The following FN3KRP variants were observed in gnomAD, a reference collection of about 807,000 sequenced individuals.
FN3KRP encodes ketosamine-3-kinase.
Under a neutral mutation model 29.8 loss-of-function variants are expected in FN3KRP, and 33 were observed. The observed-to-expected ratio is 1.11, with a 90% CI of 0.84 to 1.48. The LOEUF (loss-of-function observed/expected upper bound fraction) is 1.48. FN3KRP is among the 40% of genes most tolerant of loss of function. The pLI, the probability that FN3KRP is intolerant of heterozygous loss-of-function variation, is 0.00. For synonymous variants in FN3KRP, 157 were observed against 155.2 expected (o/e 1.01, Z -0.09); for missense variants, 430 against 402.6 (o/e 1.07, Z -0.58).
In FN3KRP at chr17:82,727,243, C is replaced by A; in HGVS notation, c.*72C>A. 3 of 1,360,194 alleles carry A rather than the reference C, an allele frequency of 2.2e-6. No individual in the cohort carries two copies. The highest frequency in any genetic ancestry group is 3.1e-6 in the Non-Finnish European group (3 of 979,404). 84.3% of individuals were successfully genotyped at this position (1,360,194 alleles called of 1,614,324 possible). A position where few individuals can be genotyped will look rare whatever the true frequency, so the allele number is the denominator to read the frequency against. On this transcript the variant is annotated 3_prime_UTR_variant, in exon 6 of 6. Transcript: ENST00000269373. ...TCTTCTGGGCAAATTCTTGTTTCTTCACATGCTGGACTAGCTTAAGACCAA... is the reference window on the plus strand; with the variant it reads ...TCTTCTGGGCAAATTCTTGTTTCTTAACATGCTGGACTAGCTTAAGACCAA...
chr17:82,720,362 G>A lies in FN3KRP; in HGVS notation c.384G>A (p.Val128=). 6.2e-7 allele frequency: 1 copy of A among 1,612,838 alleles called. No homozygotes were observed. The highest frequency in any genetic ancestry group is 8.5e-7 in the Non-Finnish European group (1 of 1,179,720). The change falls in exon 3 of 6, where the codon GTG becomes GTA. Residue 128 remains valine (V), a splice_region_variant and synonymous_variant. Transcript: ENST00000269373. ...GEMRLKEAGT[V]GRGGGQEERP... ...TGCGCCTGAAGGAGGCGGGCACAGTGGGTATGGCACTGCGCGGGCCACGGG... is the reference window on the plus strand; with the variant it reads ...TGCGCCTGAAGGAGGCGGGCACAGTAGGTATGGCACTGCGCGGGCCACGGG...
At chr17:82,722,682 C>T in intron 3 of FN3KRP, 122 bp from the exon 4 acceptor site, 1 of 845,884 alleles carries the variant, frequency 1.2e-6, no homozygotes. Flanking sequence ...CCCTGTTTGT[C>T]TCTGGCAGGG....
At chr17:82,719,993 G>A (rs186293162) in intron 2 of FN3KRP, among the ~76,000 whole-genome samples, 3 of 151,864 alleles carry the variant, frequency 2.0e-5, no homozygotes, top group African/African-American at 4.8e-5. Context: ...GTGAAACCCT[G>A]CCTCTACTAA....
intron 4 of FN3KRP, among the ~76,000 whole-genome samples, chr17:82,724,615 A>G (rs9674528): frequency 5.3e-5 from 8 of 152,002 alleles, no homozygotes. Context: ...AAAAAAGAAA[A>G]AAAAAAAGTA....
chr17:82,726,345 C>A, intron 4 of FN3KRP, 135 bp from the exon 5 acceptor site: 2 of 1,070,360 alleles, frequency 1.9e-6, no homozygotes, highest in Non-Finnish European at 2.7e-6. Context: ...GTTCCCCCCT[C>A]AGGCTCCTGT....
At position 82,716,788 on chromosome 17, in the gene FN3KRP, C is replaced by A; in HGVS notation, c.33C>A (p.Cys11Ter). The change falls in exon 1 of 6, where the codon TGC (cysteine) becomes TGA (stop). Residue 11 changes from cysteine to a stop codon, truncating the protein, a stop_gained. Transcript: ENST00000269373. LOFTEE classifies it high-confidence loss of function. MEELLRRELGCSSVRATGHSG... is the reference protein window; with the variant it reads MEELLRRELG ...AGCTCCTGAGGCGCGAGCTGGGCTG[C>A]AGCTCTGTCAGGGCCACGGGCCACT... 6.5e-7 allele frequency: 1 copy of A among 1,541,912 alleles called. No individual in the cohort carries two copies. The highest frequency in any genetic ancestry group is 8.7e-7 in the Non-Finnish European group (1 of 1,151,702).
At chr17:82,722,958 C>T (rs971954746) in intron 4 of FN3KRP, 72 bp downstream of exon 4, 5 of 1,310,404 alleles carry the variant, frequency 3.8e-6, no homozygotes, top group South Asian at 1.3e-5. Context: ...GGGGGACACA[C>T]CCCCCTCCTT....
rs1268418364 is a variant in FN3KRP at position 82,727,039 on chromosome 17, A to G, written c.798A>G (p.Lys266=). Reference sequence around the variant, plus strand: ...CCTTTTACTCCGCCTACCACGGCAAAATCCCCAAGGCCCCAGGATTCGAGA... The same window carrying G: ...CCTTTTACTCCGCCTACCACGGCAAGATCCCCAAGGCCCCAGGATTCGAGA... ...SSSFYSAYHG[K]IPKAPGFEKR... The change falls in exon 6 of 6, where the codon AAA becomes AAG. Residue 266 remains lysine, a synonymous_variant. Transcript: ENST00000269373. The G allele has an allele frequency of 6.2e-7, 1 of 1,614,136 alleles. No homozygotes were observed. The highest frequency in any genetic ancestry group is 8.5e-7 in the Non-Finnish European group (1 of 1,180,030).
chr17:82,727,653 A>C lies in FN3KRP; in HGVS notation c.*482A>C. 6.4e-6 allele frequency: 1 copy of C among 155,360 alleles called. No individual in the cohort carries two copies. Among genetic ancestry groups the C allele is most frequent in the South Asian group, 2.0e-4 (1 of 4,928 alleles). The allele number at this position is 155,360 out of a possible 1,614,324, so 9.6% of individuals were successfully genotyped here. A position where few individuals can be genotyped will look rare whatever the true frequency, so the allele number is the denominator to read the frequency against. On this transcript the variant is annotated 3_prime_UTR_variant, in exon 6 of 6. Transcript: ENST00000269373. ...GTGTAGACATGAAACCATCTTACTA[A>C]AAGCGTCTTAAAATGACCAATTCCA...
At chr17:82,720,628 C>T (rs897109885) in intron 3 of FN3KRP, 6 of 345,088 alleles carry the variant, frequency 1.7e-5, no homozygotes, top group South Asian at 9.9e-5. Context: ...TTTTACCTCT[C>T]GTTCCCCAGA....
chr17:82,727,289 C>G lies in FN3KRP; in HGVS notation c.*118C>G, dbSNP rs990760842. On this transcript the variant is annotated 3_prime_UTR_variant, in exon 6 of 6. Transcript: ENST00000269373. Reference sequence around the variant, plus strand: ...ACCAATGCAGTAGCTTATTTCCAAGCCTTGCAAAGTATATAATATCTAAGA... The same window carrying G: ...ACCAATGCAGTAGCTTATTTCCAAGGCTTGCAAAGTATATAATATCTAAGA... 1.1e-6 allele frequency: 1 copy of G among 903,912 alleles called. No individual in the cohort carries two copies. The highest frequency in any genetic ancestry group is 1.7e-5 in the African/African-American group (1 of 59,590). 56.0% of individuals were successfully genotyped at this position (903,912 alleles called of 1,614,324 possible). A position where few individuals can be genotyped will look rare whatever the true frequency, so the allele number is the denominator to read the frequency against.
At chr17:82,719,210 C>T (rs2046781676) in intron 2 of FN3KRP, among the ~76,000 whole-genome samples, 153 bp downstream of exon 2, 1 of 152,012 alleles carries the variant, frequency 6.6e-6, no homozygotes, top group Admixed American at 6.6e-5. Context: ...TGGCTTCATG[C>T]CCCGCCCCGG....
chr17:82,726,685 C>A, intron 5 of FN3KRP, 83 bp downstream of exon 5: 1 of 1,539,568 alleles, frequency 6.5e-7, no homozygotes, highest in Admixed American at 2.0e-5. Context: ...GCAGGTGAGG[C>A]CACCTCTGAG....
intron 2 of FN3KRP, among the ~76,000 whole-genome samples, chr17:82,719,526 G>A (rs1598332643): frequency 6.6e-6 from 1 of 152,118 alleles, no homozygotes; most frequent in African/African-American, 2.4e-5. Context: ...AGGCTGAGGC[G>A]GGTGAATCAC....
At chr17:82,721,919 C>T (rs1598333796) in intron 3 of FN3KRP, among the ~76,000 whole-genome samples, 1 of 152,076 alleles carries the variant, frequency 6.6e-6, no homozygotes, top group Admixed American at 6.6e-5. Context: ...ACCGCAACCT[C>T]CGCCTCCTGG....
chr17:82,716,963 CG>C (rs10714010), intron 1 of FN3KRP, 67 bp downstream of exon 1: 580,422 of 1,523,346 alleles, frequency 0.38, 112,718 homozygotes, highest in East Asian at 0.48. Flanking sequence ...GGCCTCGGCG[CG>C]GGGCGCGGCC....
In FN3KRP at chr17:82,727,110, A is replaced by C. The variant is rs577164776; in HGVS notation, c.869A>C (p.Asn290Thr). 54 of 1,614,124 alleles carry C rather than the reference A, an allele frequency of 3.3e-5. No homozygotes were observed. The Admixed American group carries it at 7.0e-4, about 21-fold the overall frequency. ...YQLFHYLNHW[N>T]HFGSGYRGSS... ...CTCTTTCACTACTTGAACCACTGGA[A>C]TCATTTTGGATCGGGGTACAGAGGA... Residue 290 changes from asparagine (N) to threonine (T), a missense_variant, in exon 6 of 6, where the codon AAT (asparagine) becomes ACT (threonine). Coordinates refer to ENST00000269373, the MANE Select transcript of FN3KRP (RefSeq NM_024619.4).
chr17:82,726,194 AG>A (rs879905499), intron 4 of FN3KRP, among the ~76,000 whole-genome samples: 3 of 151,790 alleles, frequency 2.0e-5, no homozygotes, highest in Non-Finnish European at 4.4e-5. Flanking sequence ...AAAAAGAAAA[AG>A]AAAAAAAAAT....
At chr17:82,723,464 G>GCTCCGCCC (rs2046812762) in intron 4 of FN3KRP, among the ~76,000 whole-genome samples, 1 of 152,164 alleles carries the variant, frequency 6.6e-6, no homozygotes, top group Admixed American at 6.5e-5. Flanking sequence ...GTTTTCGCCA[G>GCTCCGCCC]CTCCGCCCCT....
Sources: allele counts gnomAD v4.1 joint callset (sites outside exome capture counted in the v4.1 genomes callset), GRCh38; gene constraint gnomAD v4.1.1; transcripts MANE v1.5; gene names NCBI Gene and HGNC (gene_info 2026-07-23, HGNC 2026-07-21).